Variants in DENND2C observed in about 807,000 individuals in gnomAD.
DENND2C encodes the protein DENN domain containing 2C.
Under a neutral mutation model 112.4 loss-of-function variants are expected in DENND2C, and 72 were observed. That is an observed-to-expected ratio of 0.64 (90% CI 0.53 to 0.78). The LOEUF is 0.78. Among genes scored for constraint, DENND2C ranks in the 30% least tolerant of loss-of-function variants. DENND2C has a pLI of 0.00. For synonymous variants in DENND2C, 329 were observed against 381.6 expected, an observed-to-expected ratio of 0.86 and a Z score of 1.61; for missense variants, 992 against 1,113.8, an observed-to-expected ratio of 0.89 and a Z score of 1.56.
intron 3 of DENND2C, among the ~76,000 whole-genome samples, chr1:114,634,068 C>T (rs892683168): frequency 6.6e-6 from 1 of 152,112 alleles, no homozygotes; most frequent in African/African-American, 2.4e-5. Context: ...TGCAATTCAT[C>T]AAGAATACCT....
At chr1:114,636,860 G>A (rs1322518124) in intron 3 of DENND2C, among the ~76,000 whole-genome samples, 3 of 151,774 alleles carry the variant, frequency 2.0e-5, no homozygotes, top group Admixed American at 2.0e-4. Context: ...CAGAACACAT[G>A]GTCAGTATAG....
At chr1:114,592,191 T>A (rs941552905) in intron 18 of DENND2C, among the ~76,000 whole-genome samples, 1 of 152,008 alleles carries the variant, frequency 6.6e-6, no homozygotes, top group Non-Finnish European at 1.5e-5. Flanking sequence ...GGCCCTAGTA[T>A]CATTTATTAA....
chr1:114,648,972 G>C (rs949684966), intron 2 of DENND2C, among the ~76,000 whole-genome samples: 8 of 125,426 alleles, frequency 6.4e-5, no homozygotes, highest in Non-Finnish European at 1.4e-4. Flanking sequence ...TTTTTTTTTT[G>C]AGACAGAGTC....
chr1:114,626,855 G>A (rs1656358400), intron 3 of DENND2C, among the ~76,000 whole-genome samples: 1 of 151,828 alleles, frequency 6.6e-6, no homozygotes, highest in South Asian at 2.1e-4. Flanking sequence ...GAAACAAGGA[G>A]CATATATATA....
Position 114,601,597 on chromosome 1 carries a change from A to C in DENND2C, c.1738-12T>G, listed in dbSNP as rs770088453. On this transcript the variant is annotated splice_polypyrimidine_tract_variant and intron_variant, in intron 12 of 20. Transcript: ENST00000393274. ...CCTTTGCCTACTGGCTAAAAGATAA[A>C]AACAACAACAACAAAAAAATCAAGC... is the stretch of plus-strand genomic sequence containing the variant. The C allele has an allele frequency of 1.5e-5, 24 of 1,606,736 alleles. No individual in the cohort carries two copies. The highest frequency in any genetic ancestry group is 2.0e-5 in the Non-Finnish European group (23 of 1,177,196).
intron 8 of DENND2C, among the ~76,000 whole-genome samples, chr1:114,616,336 G>C (rs2101659333): frequency 6.6e-6 from 1 of 151,440 alleles, no homozygotes. Context: ...AGGTTGCAGT[G>C]AGCTGAAATT....
intron 11 of DENND2C, among the ~76,000 whole-genome samples, chr1:114,603,961 T>A (rs1375752864): frequency 6.6e-6 from 1 of 152,248 alleles, no homozygotes; most frequent in Non-Finnish European, 1.5e-5. Context: ...ATCTGTAATT[T>A]CTGCTTTTTA....
intron 1 of DENND2C, among the ~76,000 whole-genome samples, chr1:114,667,206 C>A (rs1012954557): frequency 6.6e-6 from 1 of 152,176 alleles, no homozygotes; most frequent in Non-Finnish European, 1.5e-5. Flanking sequence ...CCCTACCACA[C>A]GCAGAATGAT....
At position 114,643,085 on chromosome 1, in the gene DENND2C, T is replaced by C. The variant is rs139046667; in HGVS notation, c.-205+2363A>G. Among the ~76,000 whole-genome samples, 789 of 152,254 alleles carry C rather than the reference T, an allele frequency of 5.2e-3. 6 individuals are homozygous for C. The highest frequency in any genetic ancestry group is 0.018 in the African/African-American group (745 of 41,562). The stretch of plus-strand genomic sequence containing the variant: ...AACACTCATTCTTGCTGGAGACACT[T>C]AGAAAAAGAGGAAAGTCAGGGATAA... On this transcript the variant is annotated intron_variant, in intron 3 of 20. Coordinates refer to ENST00000393274, the MANE Select transcript of DENND2C (RefSeq NM_001256404.2).
Position 114,583,493 on chromosome 1 carries a change from A to AAAACACACACACACAC in DENND2C, c.*2106_*2107insGTGTGTGTGTGTGTTT, listed in dbSNP as rs1553231827. On this transcript the variant is annotated 3_prime_UTR_variant, in exon 21 of 21. Transcript: ENST00000393274. ...ACTTGAATTTGCCCATGAGTTTGAAAACACACACACACACACACACACACA... is the reference window on the plus strand; with the variant it reads ...ACTTGAATTTGCCCATGAGTTTGAAAAAACACACACACACACACACACACACACACACACACACACA... The AAAACACACACACACAC allele has an allele frequency of 4.1e-5, 6 of 146,008 alleles. No homozygotes were observed. The highest frequency in any genetic ancestry group is 1.5e-4 in the African/African-American group (6 of 39,350). The allele number at this position is 146,008 out of a possible 1,614,324, so 9.0% of individuals were successfully genotyped here.
chr1:114,631,812 T>C (rs1656499139), intron 3 of DENND2C, among the ~76,000 whole-genome samples: 2 of 151,732 alleles, frequency 1.3e-5, no homozygotes. Context: ...AGAACCAAAA[T>C]AATACAAAAT....
rs776045890 is a variant in DENND2C at position 114,621,762 on chromosome 1, C to T, written c.1227+133G>A. Reference sequence around the variant, plus strand: ...GCATGAGCAAAAATTTAAAACATAACGCTGCCTTCTAAGTCTTCTAATCCC... The same window carrying T: ...GCATGAGCAAAAATTTAAAACATAATGCTGCCTTCTAAGTCTTCTAATCCC... On this transcript the variant is annotated intron_variant, in intron 7 of 20. Transcript: ENST00000393274. The T allele has an allele frequency of 1.1e-4, 126 of 1,196,218 alleles. 4 individuals are homozygous for T. Among genetic ancestry groups the T allele is most frequent in the South Asian group, 1.0e-3 (64 of 62,398 alleles). 74.1% of individuals were successfully genotyped at this position (1,196,218 alleles called of 1,614,324 possible).
chr1:114,633,607 G>GA (rs984324144), intron 3 of DENND2C, among the ~76,000 whole-genome samples: 2 of 149,492 alleles, frequency 1.3e-5, no homozygotes, highest in Non-Finnish European at 3.0e-5. Context: ...ACTATTAAAA[G>GA]AAAAAAAAAG....
intron 3 of DENND2C, among the ~76,000 whole-genome samples, chr1:114,629,280 A>T (rs1656426216): frequency 6.6e-6 from 1 of 152,104 alleles, no homozygotes; most frequent in Non-Finnish European, 1.5e-5. Flanking sequence ...CTCAAGCATG[A>T]CTTTTTTCTT....
chr1:114,600,981 T>G (rs1485628737), intron 13 of DENND2C, 21 bp from the exon 14 acceptor site: 1 of 1,605,186 alleles, frequency 6.2e-7, no homozygotes, highest in Admixed American at 1.7e-5. Context: ...AAAGTGTTAT[T>G]TTATTATGGA....
At position 114,584,688 on chromosome 1, in the gene DENND2C, A is replaced by G. The variant is rs940201173; in HGVS notation, c.*912T>C. 6.6e-6 allele frequency: 1 copy of G among 152,212 alleles called. No individual in the cohort carries two copies. The allele number at this position is 152,212 out of a possible 1,614,324, so 9.4% of individuals were successfully genotyped here. ...CAGTGCATGGCACATGGTGGACACT[A>G]AAAAATAAAGGTGGCTCCCATGCCC... On this transcript the variant is annotated 3_prime_UTR_variant, in exon 21 of 21. Coordinates refer to ENST00000393274, the MANE Select transcript of DENND2C (RefSeq NM_001256404.2).
At chr1:114,606,337 T>G (rs2101652019) in intron 10 of DENND2C, among the ~76,000 whole-genome samples, 1 of 152,354 alleles carries the variant, frequency 6.6e-6, no homozygotes, top group Admixed American at 6.5e-5. Flanking sequence ...GATTATTTAC[T>G]GCAGGGATAT....
Position 114,599,270 on chromosome 1 carries a change from T to C in DENND2C, c.2283+4A>G. ...CAATATTAGGTTCCATTCTTCTATCTCACCTCTTCAATGGGTAGGTCCTGG... is the reference window on the plus strand; with the variant it reads ...CAATATTAGGTTCCATTCTTCTATCCCACCTCTTCAATGGGTAGGTCCTGG... On this transcript the variant is annotated splice_donor_region_variant and intron_variant, in intron 16 of 20. Coordinates refer to ENST00000393274, the MANE Select transcript of DENND2C (RefSeq NM_001256404.2). 6.3e-7 allele frequency: 1 copy of C among 1,599,268 alleles called. No homozygotes were observed. The highest frequency in any genetic ancestry group is 8.5e-7 in the Non-Finnish European group (1 of 1,170,548).
At chr1:114,649,212 C>T (rs1197358259) in intron 2 of DENND2C, among the ~76,000 whole-genome samples, 1 of 152,100 alleles carries the variant, frequency 6.6e-6, no homozygotes, top group African/African-American at 2.4e-5. Context: ...GCCTTGGCCT[C>T]CCAAAATGCT....
Sources: gnomAD v4.1 joint callset for allele counts (sites outside exome capture counted in the v4.1 genomes callset) on GRCh38, gnomAD v4.1.1 for gene constraint, MANE v1.5 for transcripts, NCBI Gene and HGNC (gene_info 2026-07-23, HGNC 2026-07-21) for gene names.